The following FBXO15 variants were observed in gnomAD, a reference collection of about 807,000 sequenced individuals.
FBXO15 encodes F-box protein 15.
A neutral mutation model predicts 49.5 loss-of-function variants in FBXO15; 30 were observed. The observed-to-expected ratio is 0.61, with a 90% CI of 0.45 to 0.82. FBXO15 has a LOEUF of 0.82. Among genes scored for constraint, FBXO15 ranks in the 40% least tolerant of loss-of-function variants. The pLI is 0.00. For synonymous variants in FBXO15, 250 were observed against 232.7 expected, an observed-to-expected ratio of 1.07 and a Z score of -0.68; for missense variants, 591 against 631.5, an observed-to-expected ratio of 0.94 and a Z score of 0.69.
In FBXO15 at chr18:74,075,180, C is replaced by A. The variant is rs1037457572; in HGVS notation, c.1264-1450G>T. Among the ~76,000 whole-genome samples, 2 of 152,178 alleles carry A rather than the reference C, an allele frequency of 1.3e-5. No homozygotes were observed. Among genetic ancestry groups the A allele is most frequent in the Non-Finnish European group, 2.9e-5 (2 of 68,038 alleles). ...TCCGCCTCATGGAACAACACCTCAT[C>A]CCCTCCCTCAGCCCTCTGCATCCTG... On this transcript the variant is annotated intron_variant, in intron 9 of 9. Coordinates refer to ENST00000419743, the MANE Select transcript of FBXO15 (RefSeq NM_001142958.2). The surrounding 1 kb of genome is among the most constrained non-coding windows in gnomAD (Gnocchi z 4.1).
At chr18:74,089,176 A>G (rs1912900529) in intron 8 of FBXO15, among the ~76,000 whole-genome samples, 1 of 151,878 alleles carries the variant, frequency 6.6e-6, no homozygotes, top group South Asian at 2.1e-4. Context: ...TTGTTCCCCT[A>G]GGTATTTTAT....
intron 8 of FBXO15, among the ~76,000 whole-genome samples, chr18:74,114,528 AG>A (rs944792198): frequency 1.2e-4 from 19 of 152,240 alleles, no homozygotes; most frequent in African/African-American, 4.6e-4. Context: ...AGAAAACAAA[AG>A]CTATACAGAA....
chr18:74,142,739 G>T (rs1483313881), intron 1 of FBXO15, among the ~76,000 whole-genome samples: 1 of 151,972 alleles, frequency 6.6e-6, no homozygotes, highest in African/African-American at 2.4e-5. Flanking sequence ...AATTATACCT[G>T]CAGAGACCCT....
At chr18:74,079,094 T>A (rs1443403313) in intron 9 of FBXO15, among the ~76,000 whole-genome samples, 1 of 152,116 alleles carries the variant, frequency 6.6e-6, no homozygotes, top group Admixed American at 6.5e-5. Flanking sequence ...TAAATAAAAA[T>A]TGATGCCAAT....
intron 8 of FBXO15, among the ~76,000 whole-genome samples, chr18:74,121,101 A>ATT (rs1297845131): frequency 6.6e-6 from 1 of 152,156 alleles, no homozygotes; most frequent in Non-Finnish European, 1.5e-5. Context: ...AAGACAAAAA[A>ATT]TACCACAGCT....
chr18:74,076,306 C>T (rs1912255474), intron 9 of FBXO15: 1 of 152,272 alleles, frequency 6.6e-6, no homozygotes, highest in Admixed American at 6.5e-5. Context: ...ATCTGATCAC[C>T]AATGTGACTG....
chr18:74,095,833 C>G (rs184426752), intron 8 of FBXO15, among the ~76,000 whole-genome samples: 21 of 152,230 alleles, frequency 1.4e-4, no homozygotes, highest in Non-Finnish European at 2.5e-4. Flanking sequence ...AGCACAGAAG[C>G]AAGCTGGATT....
intron 8 of FBXO15, among the ~76,000 whole-genome samples, chr18:74,086,631 C>T (rs563397851): frequency 1.3e-5 from 2 of 152,150 alleles, no homozygotes; most frequent in African/African-American, 4.8e-5. Flanking sequence ...AGAATGGTCT[C>T]GATCTCCTGA....
At chr18:74,095,895 C>G (rs981890371) in intron 8 of FBXO15, among the ~76,000 whole-genome samples, 1 of 152,110 alleles carries the variant, frequency 6.6e-6, no homozygotes, top group Non-Finnish European at 1.5e-5. Flanking sequence ...AGATTATCAC[C>G]AGAAATATTC....
chr18:74,077,053 C>G (rs189487677), intron 9 of FBXO15, among the ~76,000 whole-genome samples: 7 of 152,330 alleles, frequency 4.6e-5, no homozygotes, highest in Admixed American at 2.6e-4. Context: ...GAATGCAGAA[C>G]TTGATACAGC....
chr18:74,140,745 G>A (rs924002786), intron 1 of FBXO15: 1 of 161,570 alleles, frequency 6.2e-6, no homozygotes, highest in African/African-American at 2.4e-5. Context: ...TTCACCCAAA[G>A]GTTTAGAAAT....
chr18:74,127,156 C>A (rs1978291351), intron 5 of FBXO15, among the ~76,000 whole-genome samples: 1 of 152,194 alleles, frequency 6.6e-6, no homozygotes, highest in Admixed American at 6.5e-5. Flanking sequence ...CGGCATGGGG[C>A]AGGTGCTCAA....
intron 3 of FBXO15, among the ~76,000 whole-genome samples, chr18:74,132,329 G>A (rs1470105217): frequency 6.6e-6 from 1 of 152,046 alleles, no homozygotes. Context: ...CCTTTAGCAG[G>A]ACCTTTATGG....
chr18:74,103,210 T>C (rs1234668545), intron 8 of FBXO15, among the ~76,000 whole-genome samples: 3 of 151,974 alleles, frequency 2.0e-5, no homozygotes, highest in African/African-American at 7.2e-5. Context: ...TTGGAACTAA[T>C]GAATACTTTT....
chr18:74,084,349 T>C (rs1224426300), intron 8 of FBXO15, among the ~76,000 whole-genome samples: 1 of 152,210 alleles, frequency 6.6e-6, no homozygotes, highest in African/African-American at 2.4e-5. Flanking sequence ...CATGTGTTCC[T>C]GTAAACCTGG....
In FBXO15 at chr18:74,074,354, C is replaced by T. The variant is rs1912165849; in HGVS notation, c.1264-624G>A. Among the ~76,000 whole-genome samples, 1 of 152,202 alleles carries T rather than the reference C, an allele frequency of 6.6e-6. No individual in the cohort carries two copies. Among genetic ancestry groups the T allele is most frequent in the Non-Finnish European group, 1.5e-5 (1 of 68,042 alleles). On this transcript the variant is annotated intron_variant, in intron 9 of 9. Transcript: ENST00000419743. The surrounding 1 kb of genome is among the most constrained non-coding windows in gnomAD (Gnocchi z 4.7). ...AAGTCTTCCAAGTCTCACTGTCATC[C>T]CAAGTGATCCCAACATCCGTGGGGA...
At chr18:74,114,180 T>C (rs1209268009) in intron 8 of FBXO15, among the ~76,000 whole-genome samples, 3 of 152,214 alleles carry the variant, frequency 2.0e-5, no homozygotes, top group Admixed American at 6.5e-5. Flanking sequence ...ACTGCCTATG[T>C]GACAAGCCCA....
intron 5 of FBXO15, among the ~76,000 whole-genome samples, chr18:74,128,711 C>T (rs1269403943): frequency 2.0e-5 from 3 of 152,140 alleles, no homozygotes; most frequent in African/African-American, 2.4e-5. Context: ...AAAGACAGCC[C>T]GAGAGAGCTG....
At chr18:74,147,535 C>G in intron 1 of FBXO15, 135 bp downstream of exon 1, 5 of 1,281,122 alleles carry the variant, frequency 3.9e-6, no homozygotes. Flanking sequence ...GGTCGTTCTT[C>G]CATACCCTTC....
Sources: allele counts gnomAD v4.1 joint callset (sites outside exome capture counted in the v4.1 genomes callset), GRCh38; gene constraint gnomAD v4.1.1; non-coding constraint Gnocchi (gnomAD v3.1); transcripts MANE v1.5; gene names NCBI Gene and HGNC (gene_info 2026-07-23, HGNC 2026-07-21).